SPAG16: variants seen among roughly 807,000 people sequenced by gnomAD.
SPAG16 encodes the protein sperm-associated antigen 16 protein.
A neutral mutation model predicts 80.4 loss-of-function variants in SPAG16; 86 were observed. That is an observed-to-expected ratio of 1.07 (90% confidence interval 0.90 to 1.28). The LOEUF (loss-of-function observed/expected upper bound fraction) is 1.28, where lower values mean the gene tolerates loss of function less well. Among genes scored for constraint, SPAG16 ranks in the 50% most tolerant of loss-of-function variants. SPAG16 has a pLI of 0.00. For missense variants in SPAG16, 870 were observed against 765.3 expected, an observed-to-expected ratio of 1.14 and a Z score of -1.61; for synonymous variants, 294 against 265.9, an observed-to-expected ratio of 1.11 and a Z score of -1.03.
At chr2:214,227,564 A>T (rs1013613658) in intron 15 of SPAG16, among the ~76,000 whole-genome samples, 2 of 151,822 alleles carry the variant, frequency 1.3e-5, no homozygotes, top group Non-Finnish European at 1.5e-5. Flanking sequence ...TTGATTAATC[A>T]TTGCTGTAAC....
At chr2:213,629,426 C>G (rs2062066708) in intron 10 of SPAG16, among the ~76,000 whole-genome samples, 1 of 152,200 alleles carries the variant, frequency 6.6e-6, no homozygotes, top group Non-Finnish European at 1.5e-5. Context: ...CCGTCAGTCT[C>G]TTGTGTATGA....
At chr2:213,368,264 T>A (rs562358365) in intron 8 of SPAG16, among the ~76,000 whole-genome samples, 56 of 152,244 alleles carry the variant, frequency 3.7e-4, no homozygotes, top group African/African-American at 1.2e-3. Context: ...TTGTCTTGGC[T>A]ATGTAGGCTC....
chr2:214,217,752 A>G (rs914778139), intron 15 of SPAG16, among the ~76,000 whole-genome samples: 5 of 152,222 alleles, frequency 3.3e-5, no homozygotes, highest in Non-Finnish European at 5.9e-5. Context: ...GCAGCTTTAT[A>G]AGAAGGCTAG....
chr2:214,337,073 A>G (rs989864238), intron 15 of SPAG16, among the ~76,000 whole-genome samples: 3 of 150,568 alleles, frequency 2.0e-5, no homozygotes, highest in Non-Finnish European at 4.4e-5. Context: ...TGAAAGAACA[A>G]CCTTATCATA....
chr2:214,391,116 CAG>C (rs1291461908), intron 15 of SPAG16, among the ~76,000 whole-genome samples: 2 of 152,094 alleles, frequency 1.3e-5, no homozygotes, highest in Non-Finnish European at 2.9e-5. Flanking sequence ...TGGATTTGAG[CAG>C]AGACACTGAA....
intron 10 of SPAG16, among the ~76,000 whole-genome samples, chr2:213,540,818 A>G (rs2076419689): frequency 6.6e-6 from 1 of 152,244 alleles, no homozygotes; most frequent in Non-Finnish European, 1.5e-5. Context: ...TTCACCGTAA[A>G]TAAAACAACC....
rs1160332759 is a variant in SPAG16 at position 213,489,913 on chromosome 2, C to G, written c.943-50C>G. The G allele has an allele frequency of 2.1e-6, 3 of 1,459,438 alleles. No homozygotes were observed. In the East Asian group the frequency reaches 7.2e-5, roughly 35 times the overall value. The allele number at this position is 1,459,438 out of a possible 1,614,324, so 90.4% of individuals were successfully genotyped here. A position where few individuals can be genotyped will look rare whatever the true frequency, so the allele number is the denominator to read the frequency against. On this transcript the variant is annotated intron_variant, in intron 9 of 15. Coordinates refer to ENST00000331683, the MANE Select transcript of SPAG16 (RefSeq NM_024532.5). ...TATTAAATCAGAGTATCAACCTGTG[C>G]AGTGATTTTGATATTTAACACAGAG...
At chr2:213,390,137 A>G (rs60566840) in intron 9 of SPAG16, among the ~76,000 whole-genome samples, 42,507 of 152,128 alleles carry the variant, frequency 0.28, 6,404 homozygotes, top group African/African-American at 0.34. Context: ...AATAACAGAA[A>G]GACAAATACT....
intron 15 of SPAG16, among the ~76,000 whole-genome samples, chr2:214,182,158 G>A (rs2057328429): frequency 1.3e-5 from 2 of 151,040 alleles, no homozygotes; most frequent in African/African-American, 2.4e-5. Context: ...TATATATATT[G>A]TACATGTATA....
chr2:214,056,306 C>CACAT (rs1047665599), intron 13 of SPAG16, among the ~76,000 whole-genome samples: 3 of 151,424 alleles, frequency 2.0e-5, no homozygotes, highest in Non-Finnish European at 2.9e-5. Flanking sequence ...CACACACACA[C>CACAT]ACACACACGC....
At chr2:213,948,882 T>C (rs1201570303) in intron 12 of SPAG16, among the ~76,000 whole-genome samples, 1 of 152,202 alleles carries the variant, frequency 6.6e-6, no homozygotes, top group African/African-American at 2.4e-5. Flanking sequence ...TCTAATACTC[T>C]TCTCTTTTTT....
chr2:213,875,866 G>A (rs1162157172), intron 11 of SPAG16, among the ~76,000 whole-genome samples: 1 of 152,018 alleles, frequency 6.6e-6, no homozygotes, highest in Non-Finnish European at 1.5e-5. Context: ...CGTATTTGAT[G>A]TCTTTGATTG....
At chr2:213,730,177 A>C (rs1055576356) in intron 10 of SPAG16, among the ~76,000 whole-genome samples, 1 of 152,220 alleles carries the variant, frequency 6.6e-6, no homozygotes, top group Non-Finnish European at 1.5e-5. Flanking sequence ...GAGGAATCCC[A>C]TTTCTAATAT....
intron 10 of SPAG16, among the ~76,000 whole-genome samples, chr2:213,738,600 A>G (rs1003633921): frequency 2.0e-5 from 3 of 152,258 alleles, no homozygotes; most frequent in Non-Finnish European, 2.9e-5. Flanking sequence ...ATCAATACAG[A>G]GGTGCCATAA....
chr2:213,997,769 T>G (rs2046597689), intron 12 of SPAG16, among the ~76,000 whole-genome samples: 1 of 152,188 alleles, frequency 6.6e-6, no homozygotes, highest in African/African-American at 2.4e-5. Flanking sequence ...TCTCATAATG[T>G]TTTAAAAAAC....
intron 10 of SPAG16, among the ~76,000 whole-genome samples, chr2:213,796,915 T>G (rs1281135691): frequency 9.6e-6 from 1 of 103,874 alleles, no homozygotes; most frequent in East Asian, 2.9e-4. Context: ...GACAGCTGCA[T>G]GCATGTTATT....
intron 11 of SPAG16, among the ~76,000 whole-genome samples, chr2:213,884,128 TTTGTGGTAGCAGG>T: frequency 1.1e-5 from 1 of 92,830 alleles, no homozygotes; most frequent in Admixed American, 1.1e-4. Context: ...TAAGTGTGTT[TTTGTGGTAGCAGG>T]TGTCATTCTT....
chr2:214,287,397 T>A (rs1475838675), intron 15 of SPAG16, among the ~76,000 whole-genome samples: 1 of 152,246 alleles, frequency 6.6e-6, no homozygotes, highest in Non-Finnish European at 1.5e-5. Flanking sequence ...TATTATTGTA[T>A]TTGATATATT....
chr2:213,512,650 A>C (rs1003462006), intron 10 of SPAG16, among the ~76,000 whole-genome samples: 27 of 152,152 alleles, frequency 1.8e-4, no homozygotes, highest in East Asian at 5.8e-4. Flanking sequence ...AGAGCCCAGC[A>C]CTGTGCAGGT....
Sources: gnomAD v4.1 joint callset for allele counts (sites outside exome capture counted in the v4.1 genomes callset) on GRCh38, gnomAD v4.1.1 for gene constraint, MANE v1.5 for transcripts, NCBI Gene and HGNC (gene_info 2026-07-23, HGNC 2026-07-21) for gene names.